The following FBXO16 variants were observed in gnomAD, a reference collection of about 807,000 sequenced individuals.
FBXO16 encodes the protein F-box protein 16, also known as F-box only protein 16.
In FBXO16, 31 loss-of-function variants were observed where a neutral mutation model predicts 41.0. The ratio of observed to expected loss-of-function variants is 0.76; its 90% CI spans 0.57 to 1.02. The LOEUF (loss-of-function observed/expected upper bound fraction) is 1.02, where lower values mean the gene tolerates loss of function less well. Ranked by LOEUF, FBXO16 falls within the 50% of genes least tolerant of loss-of-function variation. The pLI is 0.00. For synonymous variants in FBXO16, 133 were observed against 117.8 expected, an observed-to-expected ratio of 1.13 and a Z score of -0.84; for missense variants, 361 against 346.2, an observed-to-expected ratio of 1.04 and a Z score of -0.34.
intron 6 of FBXO16, among the ~76,000 whole-genome samples, chr8:28,448,340 CAAAAAAA>C (rs56323338): frequency 8.6e-4 from 43 of 49,924 alleles, no homozygotes; most frequent in Admixed American, 3.5e-3. Context: ...GACCCTAAAT[CAAAAAAA>C]AAAAAAAAAA....
chr8:28,452,351 T>C lies in FBXO16; in HGVS notation c.633A>G (p.Ser211=), dbSNP rs751165226. The C allele has an allele frequency of 5.0e-6, 8 of 1,614,216 alleles. No individual in the cohort carries two copies. In the South Asian group the frequency reaches 7.7e-5, roughly 16 times the overall value. The change falls in exon 6 of 9, where the codon TCA becomes TCG. Residue 211 remains serine (S), a synonymous_variant. Transcript: ENST00000380254. ...SSSSLRKKNN[S]GEKALPPWRS... ...GCCAGGGTGGAAGTGCTTTCTCCCC[T>C]GAGTTATTCTTCTTTCTTAAAGAGG...
intron 7 of FBXO16, 139 bp downstream of exon 7, chr8:28,447,032 G>C: frequency 1.5e-6 from 1 of 670,704 alleles, no homozygotes; most frequent in Admixed American, 2.9e-5. Context: ...TTCTCTGCCA[G>C]TCAGTGTCAG....
At chr8:28,442,112 G>T (rs1344371902) in intron 7 of FBXO16, among the ~76,000 whole-genome samples, 1 of 151,600 alleles carries the variant, frequency 6.6e-6, no homozygotes, top group African/African-American at 2.4e-5. Flanking sequence ...CCTAATTTTT[G>T]TATTTTTAGT....
chr8:28,456,809 T>C lies in FBXO16; in HGVS notation c.464A>G (p.His155Arg), dbSNP rs1803046088. Residue 155 changes from histidine to arginine, a missense_variant, in exon 5 of 9, where the codon CAC becomes CGC. Physicochemically the swap from His to Arg is conservative, Grantham distance 29. Coordinates refer to ENST00000380254, the MANE Select transcript of FBXO16 (RefSeq NM_172366.4). ...TPFEQGIWKKHYIQMVKELHI... is the reference protein window; with the variant it reads ...TPFEQGIWKKRYIQMVKELHI... ...AAGTTCTTTCACCATTTGAATATAGTGCTTCTTCCAGATCCCCTGCTCAAA... is the reference window on the plus strand; with the variant it reads ...AAGTTCTTTCACCATTTGAATATAGCGCTTCTTCCAGATCCCCTGCTCAAA... 23 of 1,614,162 alleles carry C rather than the reference T, an allele frequency of 1.4e-5. No individual in the cohort carries two copies. Among genetic ancestry groups the C allele is most frequent in the Non-Finnish European group, 1.9e-5 (22 of 1,180,034 alleles).
At chr8:28,437,245 C>T (rs1037490352) in intron 7 of FBXO16, among the ~76,000 whole-genome samples, 48 of 152,128 alleles carry the variant, frequency 3.2e-4, no homozygotes, top group African/African-American at 1.1e-3. Flanking sequence ...GGTCTAAATG[C>T]TAAGTGAACG....
At chr8:28,483,981 TG>T (rs1803559929) in intron 1 of FBXO16, among the ~76,000 whole-genome samples, 1 of 152,078 alleles carries the variant, frequency 6.6e-6, no homozygotes, top group Non-Finnish European at 1.5e-5. Context: ...CCTGGTGAGG[TG>T]GTGGGTTTTA....
chr8:28,486,770 G>A (rs2130213003), intron 1 of FBXO16, among the ~76,000 whole-genome samples: 1 of 152,126 alleles, frequency 6.6e-6, no homozygotes, highest in Non-Finnish European at 1.5e-5. Context: ...GGCCCAGGAG[G>A]TTGAGGCTGC....
intron 5 of FBXO16, among the ~76,000 whole-genome samples, chr8:28,453,667 A>G (rs1008727512): frequency 6.6e-6 from 1 of 151,866 alleles, no homozygotes; most frequent in African/African-American, 2.4e-5. Context: ...GAAATTCCCC[A>G]GTTCCCCCAA....
chr8:28,468,962 G>C (rs17059136), intron 3 of FBXO16, among the ~76,000 whole-genome samples: 3,958 of 152,008 alleles, frequency 0.026, 70 homozygotes, highest in African/African-American at 0.051. Flanking sequence ...CAGATAACCA[G>C]TGTTCAAAAG....
intron 4 of FBXO16, 81 bp from the exon 5 acceptor site, chr8:28,457,011 C>CTGTCATCCTGGACCTGAGAAAACTTTTT: frequency 6.8e-7 from 1 of 1,477,704 alleles, no homozygotes; most frequent in Non-Finnish European, 9.1e-7. Flanking sequence ...AGGTTTTGAG[C>CTGTCATCCTGGACCTGAGAAAACTTTTT]TGTCATCCTG....
At chr8:28,441,768 G>C (rs1802781016) in intron 7 of FBXO16, among the ~76,000 whole-genome samples, 1 of 144,762 alleles carries the variant, frequency 6.9e-6, no homozygotes. Flanking sequence ...AAAAAATATT[G>C]TATGTCTTTA....
chr8:28,483,752 G>A (rs1803555383), intron 1 of FBXO16, among the ~76,000 whole-genome samples: 1 of 152,076 alleles, frequency 6.6e-6, no homozygotes, highest in African/African-American at 2.4e-5. Flanking sequence ...AGGCAGGAGA[G>A]TCACTTGAAC....
At chr8:28,465,487 C>G in intron 3 of FBXO16, 1 of 419,578 alleles carries the variant, frequency 2.4e-6, no homozygotes. Flanking sequence ...TGGTGGTGTA[C>G]GCCTGTGGTC....
intron 7 of FBXO16, among the ~76,000 whole-genome samples, chr8:28,433,956 A>ATTTTTT (rs773888558): frequency 0.03 from 3,536 of 118,140 alleles, 310 homozygotes; most frequent in African/African-American, 0.12. Flanking sequence ...TCACTCCCTG[A>ATTTTTT]TTTTTTTTTT....
chr8:28,442,469 T>C (rs1256809836), intron 7 of FBXO16, among the ~76,000 whole-genome samples: 1 of 152,042 alleles, frequency 6.6e-6, no homozygotes, highest in Non-Finnish European at 1.5e-5. Context: ...CTGTAACCTC[T>C]GCTTCCTGGG....
intron 8 of FBXO16, 22 bp from the exon 9 acceptor site, chr8:28,428,758 T>C: frequency 2.7e-6 from 4 of 1,500,090 alleles, no homozygotes; most frequent in Non-Finnish European, 2.7e-6. Context: ...AAAGGAATCA[T>C]GAAAGCGAGG....
Position 28,456,765 on chromosome 8 carries a change from C to A in FBXO16, c.507+1G>T. 3.1e-6 allele frequency: 5 copies of A among 1,613,564 alleles called. No homozygotes were observed. Among genetic ancestry groups the A allele is most frequent in the Non-Finnish European group, 4.2e-6 (5 of 1,179,744 alleles). On this transcript the variant is annotated splice_donor_variant, in intron 5 of 8. Transcript: ENST00000380254. LOFTEE classifies it high-confidence loss of function. Reference sequence around the variant, plus strand: ...CTTGTGGCTTTCTGTCTAAAATTCACCTTAGGCTTGGTAATATGAAGTTCT... The same window carrying A: ...CTTGTGGCTTTCTGTCTAAAATTCAACTTAGGCTTGGTAATATGAAGTTCT...
At chr8:28,471,244 A>T (rs1299857771) in intron 3 of FBXO16, among the ~76,000 whole-genome samples, 2 of 152,226 alleles carry the variant, frequency 1.3e-5, no homozygotes, top group African/African-American at 4.8e-5. Flanking sequence ...ACTGTCTATC[A>T]TTGAATACAA....
At chr8:28,472,667 G>A (rs143837456) in intron 3 of FBXO16, among the ~76,000 whole-genome samples, 124 of 152,146 alleles carry the variant, frequency 8.2e-4, no homozygotes, top group African/African-American at 2.4e-3. Context: ...ACTTGAACCC[G>A]GGAGGCGGAG....
Sources: allele counts gnomAD v4.1 joint callset (sites outside exome capture counted in the v4.1 genomes callset), GRCh38; gene constraint gnomAD v4.1.1; transcripts MANE v1.5; gene names NCBI Gene and HGNC (gene_info 2026-07-23, HGNC 2026-07-21).